Variants in NPDC1 observed in about 807,000 individuals in gnomAD.
The protein encoded by NPDC1 is neural proliferation, differentiation and control 1.
A neutral mutation model predicts 32.5 loss-of-function variants in NPDC1; 18 were observed. The observed-to-expected ratio is 0.55, with a 90% CI of 0.38 to 0.82. The LOEUF is 0.82. NPDC1 is among the 40% of genes least tolerant of loss of function. The probability of loss-of-function intolerance (pLI) is 0.00; values close to 1 mark genes in which losing one functional copy is unlikely to be tolerated. For synonymous variants in NPDC1, 210 were observed against 184.7 expected (o/e 1.14, Z -1.11); for missense variants, 468 against 406.6 (o/e 1.15, Z -1.30).
chr9:137,042,255 G>A (rs556560952), intron 2 of NPDC1, among the ~76,000 whole-genome samples: 1 of 152,074 alleles, frequency 6.6e-6, no homozygotes, highest in East Asian at 1.9e-4. Context: ...GCTGCAGGCT[G>A]CTGCTTTTTT....
intron 1 of NPDC1, 42 bp downstream of exon 1, chr9:137,045,836 C>T: frequency 1.0e-6 from 1 of 991,844 alleles, no homozygotes; most frequent in Non-Finnish European, 1.2e-6. Flanking sequence ...GCGATCCCGG[C>T]CCCGGGGCGC....
intron 2 of NPDC1, among the ~76,000 whole-genome samples, chr9:137,042,532 C>T (rs1832072706): frequency 7.0e-6 from 1 of 142,656 alleles, no homozygotes; most frequent in Admixed American, 7.4e-5. Context: ...GCTGGGATTA[C>T]AGGCGTGAGC....
intron 7 of NPDC1, 54 bp downstream of exon 7, chr9:137,040,303 G>A (rs1425336048): frequency 1.5e-5 from 22 of 1,474,332 alleles, no homozygotes; most frequent in Non-Finnish European, 2.0e-5. Flanking sequence ...TGGAGGTGGA[G>A]GTGGGGATGG....
chr9:137,040,789 CT>C, intron 4 of NPDC1, 24 bp downstream of exon 4: 1 of 1,585,380 alleles, frequency 6.3e-7, no homozygotes, highest in Non-Finnish European at 8.5e-7. Flanking sequence ...CCTGCTGCCC[CT>C]GCCCACCCCC....
rs1180397410 is a variant in NPDC1 at position 137,046,150 on chromosome 9, G to A, written c.-161C>T. ...GAGGAGGAAGAGGAAAGGCACGGGCGGCGGCGCTGACGCTGCAGCAAGGAT... is the reference window on the plus strand; with the variant it reads ...GAGGAGGAAGAGGAAAGGCACGGGCAGCGGCGCTGACGCTGCAGCAAGGAT... On this transcript the variant is annotated 5_prime_UTR_variant, in exon 1 of 9. Coordinates refer to ENST00000371601, the MANE Select transcript of NPDC1 (RefSeq NM_015392.4). 2 of 1,099,962 alleles carry A rather than the reference G, an allele frequency of 1.8e-6. No individual in the cohort carries two copies. The highest frequency in any genetic ancestry group is 3.9e-4 in the Middle Eastern group (1 of 2,542). 68.1% of individuals were successfully genotyped at this position (1,099,962 alleles called of 1,614,324 possible). A position where few individuals can be genotyped will look rare whatever the true frequency, so the allele number is the denominator to read the frequency against.
intron 3 of NPDC1, 26 bp from the exon 4 acceptor site, chr9:137,041,010 A>G (rs368218985): frequency 6.6e-6 from 10 of 1,525,032 alleles, no homozygotes; most frequent in Non-Finnish European, 8.8e-6. Flanking sequence ...GGTTAGAATG[A>G]GAGCACTGGG....
rs1430739807 is a variant in NPDC1 at position 137,041,111 on chromosome 9, T to C, written c.336A>G (p.Gly112=). The C allele has an allele frequency of 3.9e-6, 6 of 1,527,408 alleles. No individual in the cohort carries two copies. The Admixed American group carries it at 6.7e-5, about 17-fold the overall frequency. 94.6% of individuals were successfully genotyped at this position (1,527,408 alleles called of 1,614,324 possible). ...LAQELARKES[G]HSTPPLPKDR... Reference sequence around the variant, plus strand: ...CCTTGGGTAGGGGCGGAGTTGAGTGTCCAGACTCCTTCCGGGCAAGCTCCT... The same window carrying C: ...CCTTGGGTAGGGGCGGAGTTGAGTGCCCAGACTCCTTCCGGGCAAGCTCCT... The change falls in exon 3 of 9, where the codon GGA becomes GGG. Residue 112 remains glycine (G), a synonymous_variant. Transcript: ENST00000371601.
In NPDC1 at chr9:137,045,821, G is replaced by T. The variant is rs1043082312; in HGVS notation, c.112+57C>A. ...GGCGGCGCCCGGCAACCCGGTCCCCGCCCGGCGATCCCGGCCCCGGGGCGC... is the reference window on the plus strand; with the variant it reads ...GGCGGCGCCCGGCAACCCGGTCCCCTCCCGGCGATCCCGGCCCCGGGGCGC... On this transcript the variant is annotated intron_variant, in intron 1 of 8. Transcript: ENST00000371601. 1.1e-5 allele frequency: 11 copies of T among 971,980 alleles called. No homozygotes were observed. The African/African-American group carries it at 1.9e-4, about 17-fold the overall frequency. The allele number at this position is 971,980 out of a possible 1,614,324, so 60.2% of individuals were successfully genotyped here. A position where few individuals can be genotyped will look rare whatever the true frequency, so the allele number is the denominator to read the frequency against.
rs1045760824 is a variant in NPDC1, at chr9:137,040,183, G to A, written c.789-116C>T. On this transcript the variant is annotated intron_variant, in intron 7 of 8. Transcript: ENST00000371601. ...GGGGTGGCAGGGGAGCACAGCCCAG[G>A]GTGAAGTTGGCCAGGGGAGGTGAGG... is the stretch of plus-strand genomic sequence containing the variant. 5.7e-6 allele frequency: 4 copies of A among 704,426 alleles called. No homozygotes were observed. The African/African-American group carries it at 7.0e-5, about 12-fold the overall frequency. 43.6% of individuals were successfully genotyped at this position (704,426 alleles called of 1,614,324 possible). A position where few individuals can be genotyped will look rare whatever the true frequency, so the allele number is the denominator to read the frequency against.
Position 137,040,523 on chromosome 9 carries a change from G to T in NPDC1, c.699C>A (p.Pro233=). ...TAKAPGSPAA[P]RISPGDQRLA... is the part of the protein sequence containing the mutation. ...GAAGGGGGCCACACACCGAGATCCG[G>T]GGAGCTGCAGGTGAGCCAGGGGCCT... The change falls in exon 6 of 9, where the codon CCC becomes CCA. Residue 233 remains proline, a synonymous_variant. Transcript: ENST00000371601. The T allele has an allele frequency of 1.3e-6, 2 of 1,589,982 alleles. No individual in the cohort carries two copies. The highest frequency in any genetic ancestry group is 4.6e-5 in the East Asian group (2 of 43,924).
intron 2 of NPDC1, 32 bp from the exon 3 acceptor site, chr9:137,041,219 G>T: frequency 7.1e-7 from 1 of 1,416,004 alleles, no homozygotes; most frequent in Admixed American, 3.2e-5. Context: ...CAGGTGGAGG[G>T]GTCCGTCCAG....
intron 1 of NPDC1, chr9:137,043,698 C>T (rs1832090028): frequency 3.0e-6 from 1 of 329,588 alleles, no homozygotes. Context: ...GCCACCACAC[C>T]AGGGGCTGCA....
At chr9:137,040,202 G>A (rs1832024905) in intron 7 of NPDC1, 135 bp from the exon 8 acceptor site, 1 of 753,446 alleles carries the variant, frequency 1.3e-6, no homozygotes, top group South Asian at 1.6e-5. Context: ...GGCCAGGGGA[G>A]GTGAGGGTGC....
chr9:137,042,977 A>C lies in NPDC1; in HGVS notation c.209T>G (p.Phe70Cys). The C allele has an allele frequency of 6.2e-7, 1 of 1,612,138 alleles. No homozygotes were observed. The highest frequency in any genetic ancestry group is 8.5e-7 in the Non-Finnish European group (1 of 1,179,448). ...ACAGAGCCCTTGCTGGTCCTCCTGG[A>C]AGGGCTGAAGGCAGGGCCCACAGGC... The part of the protein sequence containing the change: ...AHACGPCLQP[F>C]QEDQQGLCVP... Residue 70 changes from phenylalanine (F) to cysteine (C), a missense_variant, in exon 2 of 9, where the codon TTC becomes TGC. Coordinates refer to ENST00000371601, the MANE Select transcript of NPDC1 (RefSeq NM_015392.4).
Position 137,040,878 on chromosome 9 carries a change from T to A in NPDC1, c.492A>T (p.Ser164=). The A allele has an allele frequency of 3.1e-6, 5 of 1,599,324 alleles. No homozygotes were observed. The highest frequency in any genetic ancestry group is 4.3e-6 in the Non-Finnish European group (5 of 1,175,706). The part of the protein sequence containing the change: ...TPHTSLGSPV[S]SDPVHMSPLE... The stretch of plus-strand genomic sequence containing the variant: ...GGGGCGACATGTGCACCGGGTCGGA[T>A]GACACAGGGGAGCCCAGGGAGGTGT... The change falls in exon 4 of 9, where the codon TCA becomes TCT. Residue 164 remains serine (S), a synonymous_variant. Coordinates refer to ENST00000371601, the MANE Select transcript of NPDC1 (RefSeq NM_015392.4).
chr9:137,039,491 C>T lies in NPDC1; in HGVS notation c.*281G>A. The T allele has an allele frequency of 2.7e-6, 1 of 376,512 alleles. No homozygotes were observed. The highest frequency in any genetic ancestry group is 4.8e-6 in the Non-Finnish European group (1 of 209,356). 23.3% of individuals were successfully genotyped at this position (376,512 alleles called of 1,614,324 possible). A position where few individuals can be genotyped will look rare whatever the true frequency, so the allele number is the denominator to read the frequency against. On this transcript the variant is annotated 3_prime_UTR_variant, in exon 9 of 9. Coordinates refer to ENST00000371601, the MANE Select transcript of NPDC1 (RefSeq NM_015392.4). ...CAGGTCTGAAATGGACTTTAATTGG[C>T]TTTTGTCTCTAGAATTACCCACCCG...
At chr9:137,042,137 G>C (rs1714302575) in intron 2 of NPDC1, among the ~76,000 whole-genome samples, 1 of 152,242 alleles carries the variant, frequency 6.6e-6, no homozygotes, top group Non-Finnish European at 1.5e-5. Context: ...CATTTGGAAA[G>C]GATGGGAGGC....
chr9:137,039,616 G>A lies in NPDC1; in HGVS notation c.*156C>T, dbSNP rs777094919. ...AGGAGGTGTCCTGGCACAAAGGTTC[G>A]GGGGTCTCCCTGGCAAGGGGTCCCA... On this transcript the variant is annotated 3_prime_UTR_variant, in exon 9 of 9. Transcript: ENST00000371601. 8 of 590,394 alleles carry A rather than the reference G, an allele frequency of 1.4e-5. No individual in the cohort carries two copies. Among genetic ancestry groups the A allele is most frequent in the East Asian group, 2.8e-5 (1 of 35,336 alleles). The allele number at this position is 590,394 out of a possible 1,614,324, so 36.6% of individuals were successfully genotyped here. A position where few individuals can be genotyped will look rare whatever the true frequency, so the allele number is the denominator to read the frequency against.
intron 1 of NPDC1, chr9:137,043,638 T>G (rs1427692829): frequency 6.0e-6 from 3 of 495,964 alleles, no homozygotes; most frequent in Non-Finnish European, 1.1e-5. Flanking sequence ...AGATGGAGTC[T>G]GCTGACCTCA....
Sources: allele counts gnomAD v4.1 joint callset (sites outside exome capture counted in the v4.1 genomes callset), GRCh38; gene constraint gnomAD v4.1.1; transcripts MANE v1.5; gene names NCBI Gene and HGNC (gene_info 2026-07-23, HGNC 2026-07-21).